GOLIM4: variants seen among roughly 807,000 people sequenced by gnomAD.
GOLIM4 encodes the protein golgi integral membrane protein 4.
A neutral mutation model predicts 107.4 loss-of-function variants in GOLIM4; 71 were observed. The observed-to-expected ratio is 0.66, with a 90% CI of 0.55 to 0.81. GOLIM4 has a LOEUF of 0.81. Among genes scored for constraint, GOLIM4 ranks in the 30% least tolerant of loss-of-function variants. The pLI is 0.00. For synonymous variants in GOLIM4, 327 were observed against 294.8 expected (o/e 1.11, Z -1.12); for missense variants, 830 against 826.1 (o/e 1.00, Z -0.06).
intron 9 of GOLIM4, among the ~76,000 whole-genome samples, chr3:168,031,538 C>G (rs369695500): frequency 1.8e-4 from 28 of 152,308 alleles, no homozygotes; most frequent in Non-Finnish European, 2.1e-4. Context: ...CATACCCCAA[C>G]TAACAAAAGC....
chr3:168,054,261 A>C (rs1042854136), intron 1 of GOLIM4, among the ~76,000 whole-genome samples: 1 of 152,214 alleles, frequency 6.6e-6, no homozygotes, highest in African/African-American at 2.4e-5. Flanking sequence ...AAAACCTCCC[A>C]GTGGCTTCTC....
intron 1 of GOLIM4, among the ~76,000 whole-genome samples, chr3:168,072,127 C>T (rs771479105): frequency 2.6e-5 from 4 of 152,146 alleles, no homozygotes; most frequent in Non-Finnish European, 4.4e-5. Context: ...TCTGAGGAAA[C>T]AAAAGTGCCT....
intron 1 of GOLIM4, among the ~76,000 whole-genome samples, chr3:168,075,758 G>A (rs1721057022): frequency 6.6e-6 from 1 of 152,098 alleles, no homozygotes; most frequent in Non-Finnish European, 1.5e-5. Context: ...GACGACTCAT[G>A]GGAAACAGCC....
intron 1 of GOLIM4, among the ~76,000 whole-genome samples, chr3:168,071,115 C>T (rs1190059813): frequency 6.6e-6 from 1 of 152,190 alleles, no homozygotes; most frequent in Non-Finnish European, 1.5e-5. Flanking sequence ...TCAAGCATGA[C>T]TTAATGAAGG....
At chr3:168,034,989 C>A (rs1467119762) in intron 8 of GOLIM4, among the ~76,000 whole-genome samples, 2 of 144,352 alleles carry the variant, frequency 1.4e-5, no homozygotes, top group Admixed American at 7.1e-5. Context: ...TCTTTATGAG[C>A]AGCATGAAAA....
chr3:168,071,882 C>T (rs1386260563), intron 1 of GOLIM4, among the ~76,000 whole-genome samples: 5 of 152,132 alleles, frequency 3.3e-5, no homozygotes, highest in Non-Finnish European at 7.3e-5. Flanking sequence ...TCATCTTACT[C>T]TTTTCAAAGG....
intron 1 of GOLIM4, among the ~76,000 whole-genome samples, chr3:168,078,658 T>C (rs796094053): frequency 1.3e-5 from 2 of 152,168 alleles, no homozygotes; most frequent in East Asian, 3.8e-4. Flanking sequence ...TTTCCAGAGG[T>C]AGCATTTCTA....
chr3:168,036,992 A>G lies in GOLIM4; in HGVS notation c.687T>C (p.Thr229=), dbSNP rs1355426080. ...DHKSALAAAQ[T]QVAEYKQLKD... Reference sequence around the variant, plus strand: ...TCAGTTGTTTATATTCTGCAACTTGAGTCTGCATATAAATTGCACAATTTG... The same window carrying G: ...TCAGTTGTTTATATTCTGCAACTTGGGTCTGCATATAAATTGCACAATTTG... The change falls in exon 8 of 16, where the codon ACT becomes ACC. Residue 229 remains threonine, a splice_region_variant and synonymous_variant. Transcript: ENST00000470487. The G allele has an allele frequency of 1.2e-6, 2 of 1,610,970 alleles. No homozygotes were observed. The highest frequency in any genetic ancestry group is 1.7e-6 in the Non-Finnish European group (2 of 1,177,516).
chr3:168,068,837 A>ATTTTT (rs200437702), intron 1 of GOLIM4, among the ~76,000 whole-genome samples: 11 of 146,176 alleles, frequency 7.5e-5, no homozygotes, highest in East Asian at 2.1e-4. Flanking sequence ...ATTTTATTTT[A>ATTTTT]TTTTTTTTTT....
In GOLIM4 at chr3:168,040,802, G is replaced by A. The variant is rs200396010; in HGVS notation, c.668C>T (p.Ala223Val). The A allele has an allele frequency of 1.2e-5, 20 of 1,609,774 alleles. No homozygotes were observed. The highest frequency in any genetic ancestry group is 1.4e-5 in the Non-Finnish European group (16 of 1,176,186). ...CCTTCTAACCTGTGCAGCAGCTAGT[G>A]CACTCTTGTGGTCTTCCAAAGTCAC... The part of the protein sequence containing the change: ...LVVTLEDHKS[A>V]LAAAQTQVAE... The change falls in exon 7 of 16, where the codon GCA becomes GTA. Residue 223 changes from alanine (A) to valine (V), a missense_variant. By Grantham distance (64) the Ala-to-Val change is moderately conservative. Coordinates refer to ENST00000470487, the MANE Select transcript of GOLIM4 (RefSeq NM_014498.5).
intron 1 of GOLIM4, among the ~76,000 whole-genome samples, chr3:168,048,593 T>C (rs542991236): frequency 1.3e-5 from 2 of 152,338 alleles, no homozygotes; most frequent in South Asian, 2.1e-4. Context: ...GTACTCTGAA[T>C]GATGCTTCCA....
Position 168,008,732 on chromosome 3 carries a change from G to A in GOLIM4, c.*1537C>T, listed in dbSNP as rs1236064770. On this transcript the variant is annotated 3_prime_UTR_variant, in exon 16 of 16. Transcript: ENST00000470487. ...TTGACTATTACCAACTTTCAGTATG[G>A]TTCAAATAATTAAATACTGCAACTG... The A allele has an allele frequency of 6.6e-6, 1 of 151,472 alleles. No individual in the cohort carries two copies. The highest frequency in any genetic ancestry group is 1.5e-5 in the Non-Finnish European group (1 of 67,876). 9.4% of individuals were successfully genotyped at this position (151,472 alleles called of 1,614,324 possible). A position where few individuals can be genotyped will look rare whatever the true frequency, so the allele number is the denominator to read the frequency against.
intron 1 of GOLIM4, among the ~76,000 whole-genome samples, chr3:168,081,149 A>T (rs930267006): frequency 6.6e-6 from 1 of 152,208 alleles, no homozygotes; most frequent in Admixed American, 6.5e-5. Flanking sequence ...AAGAAATCAT[A>T]CTAAGGGAAG....
intron 2 of GOLIM4, among the ~76,000 whole-genome samples, chr3:168,047,429 T>G (rs565812570): frequency 6.6e-6 from 1 of 152,312 alleles, no homozygotes; most frequent in South Asian, 2.1e-4. Context: ...AAAACCTTAT[T>G]ATCCACTAGA....
rs1054112588 is a variant in GOLIM4, at chr3:168,095,040, C to A, written c.187+59G>T. 2.7e-5 allele frequency: 37 copies of A among 1,379,476 alleles called. No individual in the cohort carries two copies. In the African/African-American group the frequency reaches 3.3e-4, roughly 12 times the overall value. The allele number at this position is 1,379,476 out of a possible 1,614,324, so 85.5% of individuals were successfully genotyped here. ...TAGCTCACCAAAGCCACTTTTCCTG[C>A]CCGGGTGGAGGCGCGGGGCAAAGTT... On this transcript the variant is annotated intron_variant, in intron 1 of 15. Coordinates refer to ENST00000470487, the MANE Select transcript of GOLIM4 (RefSeq NM_014498.5).
intron 2 of GOLIM4, 140 bp from the exon 3 acceptor site, chr3:168,047,139 T>C (rs1392574698): frequency 2.1e-6 from 1 of 476,202 alleles, no homozygotes; most frequent in Non-Finnish European, 3.8e-6. Context: ...TTACATACTT[T>C]ATTTTGGCTC....
chr3:168,073,889 C>T (rs566244840), intron 1 of GOLIM4, among the ~76,000 whole-genome samples: 11 of 152,172 alleles, frequency 7.2e-5, no homozygotes, highest in Non-Finnish European at 1.5e-4. Flanking sequence ...ACCTCTAGCA[C>T]CTGGTACTCA....
At chr3:168,016,547 T>C (rs1717374845) in intron 14 of GOLIM4, among the ~76,000 whole-genome samples, 1 of 133,538 alleles carries the variant, frequency 7.5e-6, no homozygotes, top group Non-Finnish European at 1.5e-5. Flanking sequence ...ACTGGGTATA[T>C]ACCCAAAGGA....
chr3:168,071,668 T>C (rs1486171799), intron 1 of GOLIM4, among the ~76,000 whole-genome samples: 2 of 151,322 alleles, frequency 1.3e-5, no homozygotes, highest in Admixed American at 1.3e-4. Flanking sequence ...GCTTGATGAC[T>C]AAAAGAGAAT....
Sources: gnomAD v4.1 joint callset for allele counts (sites outside exome capture counted in the v4.1 genomes callset) on GRCh38, gnomAD v4.1.1 for gene constraint, MANE v1.5 for transcripts, NCBI Gene and HGNC (gene_info 2026-07-23, HGNC 2026-07-21) for gene names.